The following SYT9 variants were observed in gnomAD, a reference collection of about 807,000 sequenced individuals.
SYT9 encodes synaptotagmin-9.
SYT9 carries 22 observed loss-of-function variants against 48.4 expected under a neutral mutation model. The ratio of observed to expected loss-of-function variants is 0.45; its 90% CI spans 0.32 to 0.65. SYT9 has a LOEUF of 0.65. Among genes scored for constraint, SYT9 ranks in the 30% least tolerant of loss-of-function variants. The pLI, the probability that SYT9 is intolerant of heterozygous loss-of-function variation, is 0.03. For synonymous variants in SYT9, 265 were observed against 245.0 expected (o/e 1.08, Z -0.76); for missense variants, 577 against 622.0 (o/e 0.93, Z 0.77).
chr11:7,391,606 G>A (rs1000231645), intron 3 of SYT9, among the ~76,000 whole-genome samples: 1 of 151,594 alleles, frequency 6.6e-6, no homozygotes, highest in Non-Finnish European at 1.5e-5. Flanking sequence ...ATTTTGAGAA[G>A]TATCTGTTCA....
intron 3 of SYT9, among the ~76,000 whole-genome samples, chr11:7,413,401 C>A (rs1377757975): frequency 6.6e-6 from 1 of 152,176 alleles, no homozygotes; most frequent in African/African-American, 2.4e-5. Context: ...ACAGCATGAG[C>A]TCCCTCTTTG....
At chr11:7,280,203 G>T (rs1848469097) in intron 1 of SYT9, among the ~76,000 whole-genome samples, 1 of 152,212 alleles carries the variant, frequency 6.6e-6, no homozygotes, top group Non-Finnish European at 1.5e-5. Flanking sequence ...GCATTTTATT[G>T]ATTACATTAC....
intron 6 of SYT9, among the ~76,000 whole-genome samples, chr11:7,448,326 G>A (rs1847975211): frequency 6.6e-6 from 1 of 152,242 alleles, no homozygotes; most frequent in African/African-American, 2.4e-5. Flanking sequence ...CTCAGGTGCA[G>A]GGATCTGGCT....
chr11:7,321,663 G>T (rs1174108408), intron 3 of SYT9, among the ~76,000 whole-genome samples: 2 of 152,152 alleles, frequency 1.3e-5, no homozygotes, highest in African/African-American at 4.8e-5. Flanking sequence ...CAGAGCAGGG[G>T]TAACTCATAG....
intron 1 of SYT9, among the ~76,000 whole-genome samples, chr11:7,244,057 C>T (rs961641320): frequency 6.6e-6 from 1 of 151,984 alleles, no homozygotes; most frequent in Non-Finnish European, 1.5e-5. Context: ...TGTTCTGAAA[C>T]GATGAACAAA....
chr11:7,447,970 T>C (rs985584227), intron 6 of SYT9, among the ~76,000 whole-genome samples: 1 of 152,196 alleles, frequency 6.6e-6, no homozygotes, highest in Non-Finnish European at 1.5e-5. Context: ...ACAGTCATTG[T>C]ATGGTTTCAG....
intron 3 of SYT9, among the ~76,000 whole-genome samples, chr11:7,379,680 C>G (rs1263897154): frequency 6.6e-6 from 1 of 152,074 alleles, no homozygotes; most frequent in Non-Finnish European, 1.5e-5. Flanking sequence ...TTAATAGTTC[C>G]TCATTACTCC....
At chr11:7,319,389 CATTATAAAA>C (rs61610888) in intron 3 of SYT9, among the ~76,000 whole-genome samples, 53,749 of 151,634 alleles carry the variant, frequency 0.35, 10,772 homozygotes, top group East Asian at 0.82. Flanking sequence ...TTGATTTTGC[CATTATAAAA>C]CTATCATTTC....
intron 3 of SYT9, among the ~76,000 whole-genome samples, chr11:7,341,958 A>G (rs532310241): frequency 2.8e-4 from 42 of 152,178 alleles, no homozygotes; most frequent in Non-Finnish European, 4.3e-4. Context: ...GCAAGAGGGA[A>G]TGAGAGCCAA....
chr11:7,275,496 G>T (rs767029846), intron 1 of SYT9, among the ~76,000 whole-genome samples: 130 of 152,144 alleles, frequency 8.5e-4, no homozygotes, highest in Admixed American at 1.7e-3. Flanking sequence ...TTCTTTCATG[G>T]GTTTCTTTTC....
intron 3 of SYT9, among the ~76,000 whole-genome samples, chr11:7,399,087 AC>A (rs1183221196): frequency 4.6e-5 from 7 of 152,158 alleles, no homozygotes; most frequent in African/African-American, 1.7e-4. Flanking sequence ...GCCTGCAGAC[AC>A]CCCTATGGTA....
intron 6 of SYT9, among the ~76,000 whole-genome samples, chr11:7,463,374 C>T (rs905871042): frequency 6.6e-6 from 1 of 152,158 alleles, no homozygotes; most frequent in East Asian, 1.9e-4. Context: ...TTGTTTTATA[C>T]AATTTTTGGC....
At chr11:7,454,571 C>T (rs1315663484) in intron 6 of SYT9, among the ~76,000 whole-genome samples, 3 of 151,718 alleles carry the variant, frequency 2.0e-5, no homozygotes, top group Non-Finnish European at 4.4e-5. Context: ...AATTCTATAG[C>T]CAGGGAAAGA....
chr11:7,301,481 A>G (rs1476694912), intron 1 of SYT9, among the ~76,000 whole-genome samples: 2 of 152,242 alleles, frequency 1.3e-5, no homozygotes, highest in African/African-American at 4.8e-5. Flanking sequence ...TTCAGCAGAA[A>G]TACAGCTTTG....
intron 6 of SYT9, among the ~76,000 whole-genome samples, chr11:7,459,050 G>T (rs945351474): frequency 2.0e-5 from 3 of 152,192 alleles, no homozygotes; most frequent in African/African-American, 4.8e-5. Flanking sequence ...GTGAGAAATG[G>T]TTACATTCTG....
At chr11:7,414,548 T>TTTTGG (rs1564895281) in intron 3 of SYT9, among the ~76,000 whole-genome samples, 3 of 152,176 alleles carry the variant, frequency 2.0e-5, no homozygotes, top group Non-Finnish European at 4.4e-5. Context: ...CCTCCAGTCG[T>TTTTGG]ATAGAATTCT....
intron 3 of SYT9, among the ~76,000 whole-genome samples, chr11:7,408,916 C>T (rs896998798): frequency 3.3e-5 from 5 of 151,902 alleles, no homozygotes; most frequent in African/African-American, 1.2e-4. Context: ...TTTCCAGTAC[C>T]ATGTTGAATA....
intron 3 of SYT9, among the ~76,000 whole-genome samples, chr11:7,341,687 T>C (rs1200882787): frequency 6.6e-6 from 1 of 152,174 alleles, no homozygotes. Context: ...GTTGGTTTTA[T>C]GAAGCAGAGG....
chr11:7,417,887 C>T (rs1216574546), intron 4 of SYT9, 70 bp from the exon 5 acceptor site: 1 of 1,515,818 alleles, frequency 6.6e-7, no homozygotes, highest in African/African-American at 1.4e-5. Flanking sequence ...TGAAAACTCA[C>T]AGTGATATAA....
Sources: allele counts gnomAD v4.1 joint callset (sites outside exome capture counted in the v4.1 genomes callset), GRCh38; gene constraint gnomAD v4.1.1; transcripts MANE v1.5; gene names NCBI Gene and HGNC (gene_info 2026-07-23, HGNC 2026-07-21).